VPS35L: variants seen among roughly 807,000 people sequenced by gnomAD.
VPS35L encodes VPS35 endosomal protein sorting factor like.
Under a neutral mutation model 133.0 loss-of-function variants are expected in VPS35L, and 83 were observed. The observed-to-expected ratio is 0.62, with a 90% CI of 0.52 to 0.75. The LOEUF (loss-of-function observed/expected upper bound fraction) is 0.75. Ranked by LOEUF, VPS35L falls within the 30% of genes least tolerant of loss-of-function variation. The pLI is 0.00. For missense variants in VPS35L, 1,083 were observed against 1,206.8 expected (o/e 0.90, Z 1.52); for synonymous variants, 423 against 449.9 (o/e 0.94, Z 0.76).
chr16:19,697,626 A>T (rs1157654095), intron 29 of VPS35L, among the ~76,000 whole-genome samples: 1 of 152,086 alleles, frequency 6.6e-6, no homozygotes, highest in Non-Finnish European at 1.5e-5. Context: ...CGTTGGATGG[A>T]TAGACGGTTG....
At position 19,555,781 on chromosome 16, in the gene VPS35L, G is replaced by A. The variant is rs771661595; in HGVS notation, c.17+35G>A. On this transcript the variant is annotated intron_variant, in intron 1 of 30. Transcript: ENST00000417362. ...CAGCGGCGGGTGGGCTTTGGAGAGG[G>A]GCTGTCCTTACTTGTGATGGGGTCG... 5.2e-6 allele frequency: 8 copies of A among 1,551,194 alleles called. No individual in the cohort carries two copies. In the East Asian group the frequency reaches 1.6e-4, roughly 31 times the overall value.
At chr16:19,692,858 C>T (rs757507826) in intron 29 of VPS35L, among the ~76,000 whole-genome samples, 27 of 152,200 alleles carry the variant, frequency 1.8e-4, no homozygotes, top group African/African-American at 4.8e-4. Context: ...CTATTGCGCC[C>T]GGCCAATATA....
intron 1 of VPS35L, among the ~76,000 whole-genome samples, chr16:19,563,293 G>T (rs977548543): frequency 1.3e-5 from 2 of 148,396 alleles, no homozygotes; most frequent in African/African-American, 5.0e-5. Context: ...AACATAGGAA[G>T]ATGCCAACTC....
intron 29 of VPS35L, among the ~76,000 whole-genome samples, chr16:19,692,425 C>T (rs1597444054): frequency 6.6e-6 from 1 of 152,122 alleles, no homozygotes. Flanking sequence ...AACTGAGGCT[C>T]AGAGAGGGTT....
intron 26 of VPS35L, among the ~76,000 whole-genome samples, chr16:19,653,775 G>A (rs1297337115): frequency 6.6e-6 from 1 of 152,206 alleles, no homozygotes; most frequent in Non-Finnish European, 1.5e-5. Flanking sequence ...TCCATTCTTT[G>A]AACCACTGCC....
At chr16:19,628,135 C>T (rs957207179) in intron 16 of VPS35L, among the ~76,000 whole-genome samples, 1 of 152,078 alleles carries the variant, frequency 6.6e-6, no homozygotes, top group African/African-American at 2.4e-5. Flanking sequence ...GAGGCCAGGG[C>T]AGGAGGATCA....
intron 6 of VPS35L, 135 bp downstream of exon 6, chr16:19,579,263 C>A: frequency 1.3e-6 from 1 of 782,874 alleles, no homozygotes; most frequent in Non-Finnish European, 2.0e-6. Flanking sequence ...GAGGCAATGA[C>A]TCCATCCAGG....
intron 1 of VPS35L, among the ~76,000 whole-genome samples, chr16:19,556,127 G>C (rs1025267668): frequency 6.6e-6 from 1 of 152,206 alleles, no homozygotes; most frequent in Non-Finnish European, 1.5e-5. Flanking sequence ...AGATCTGGCT[G>C]TTGGTCAGTT....
At chr16:19,673,177 G>A (rs903670076) in intron 27 of VPS35L, among the ~76,000 whole-genome samples, 2 of 152,348 alleles carry the variant, frequency 1.3e-5, no homozygotes, top group Admixed American at 1.3e-4. Context: ...CTGTCCCTGG[G>A]ATTACAGATT....
rs535660953 is a variant in VPS35L, at chr16:19,616,324, A to G, written c.1101+133A>G. The G allele has an allele frequency of 3.7e-4, 272 of 742,342 alleles. No homozygotes were observed. In the African/African-American group the frequency reaches 4.2e-3, roughly 12 times the overall value. The allele number at this position is 742,342 out of a possible 1,614,324, so 46.0% of individuals were successfully genotyped here. A position where few individuals can be genotyped will look rare whatever the true frequency, so the allele number is the denominator to read the frequency against. ...TGTGCAAGCCCTGGAAAATTACACT[A>G]GCTTCTGTTGTAGACAATTAAAATG... On this transcript the variant is annotated intron_variant, in intron 13 of 30. Coordinates refer to ENST00000417362, the MANE Select transcript of VPS35L (RefSeq NM_020314.7).
chr16:19,580,135 G>A (rs932332716), intron 6 of VPS35L, among the ~76,000 whole-genome samples: 2 of 151,924 alleles, frequency 1.3e-5, no homozygotes, highest in Non-Finnish European at 2.9e-5. Flanking sequence ...AAGAGATGGA[G>A]GTTGAGATCG....
chr16:19,639,920 C>T lies in VPS35L; in HGVS notation c.1699-95C>T, dbSNP rs759249601. ...CGACTCAGAGAGATGAACCTCTGTT[C>T]TGCTTCTTTGAACTCCACAGAAAAA... On this transcript the variant is annotated intron_variant, in intron 20 of 30. Coordinates refer to ENST00000417362, the MANE Select transcript of VPS35L (RefSeq NM_020314.7). This position sits in a 1 kb window ranked among gnomAD's most constrained non-coding sequence, Gnocchi z 4.1. The T allele has an allele frequency of 2.8e-5, 29 of 1,049,956 alleles. No individual in the cohort carries two copies. Among genetic ancestry groups the T allele is most frequent in the Middle Eastern group, 2.2e-4 (1 of 4,516 alleles). 65.0% of individuals were successfully genotyped at this position (1,049,956 alleles called of 1,614,324 possible).
chr16:19,612,794 G>A (rs547257386), intron 12 of VPS35L, among the ~76,000 whole-genome samples: 1 of 152,120 alleles, frequency 6.6e-6, no homozygotes, highest in Non-Finnish European at 1.5e-5. Flanking sequence ...GTGAGTTAGG[G>A]TACACGATCA....
chr16:19,652,261 C>T (rs1451258382), intron 26 of VPS35L, 171 bp downstream of exon 26: 24 of 576,140 alleles, frequency 4.2e-5, no homozygotes, highest in Non-Finnish European at 7.2e-5. Flanking sequence ...CCTGTAACCT[C>T]GAACTCCTGG....
rs1973720408 is a variant in VPS35L at position 19,639,497 on chromosome 16, AGTT to A, written c.1699-514_1699-512del. ...AGCACCAATCCCTGGAATGCATATA[AGTT>A]GTTTTAATAGTAACAGCTTTTTATT... On this transcript the variant is annotated intron_variant, in intron 20 of 30. Transcript: ENST00000417362. The surrounding 1 kb of genome is among the most constrained non-coding windows in gnomAD (Gnocchi z 4.1). Among the ~76,000 whole-genome samples, 2 of 152,178 alleles carry A rather than the reference AGTT, an allele frequency of 1.3e-5. No individual in the cohort carries two copies.
intron 23 of VPS35L, 64 bp from the exon 24 acceptor site, chr16:19,647,720 C>A: frequency 8.1e-7 from 1 of 1,239,484 alleles, no homozygotes; most frequent in Non-Finnish European, 1.2e-6. Flanking sequence ...TCAGTCATAC[C>A]ATGTGCCTGC....
chr16:19,598,785 TA>T (rs35846910), intron 8 of VPS35L, among the ~76,000 whole-genome samples: 3,790 of 145,990 alleles, frequency 0.026, 154 homozygotes, highest in African/African-American at 0.088. Flanking sequence ...TTCTGTCTCT[TA>T]AAAAAAAAAA....
intron 14 of VPS35L, among the ~76,000 whole-genome samples, chr16:19,620,936 G>A (rs1205662741): frequency 6.6e-6 from 1 of 151,972 alleles, no homozygotes; most frequent in African/African-American, 2.4e-5. Flanking sequence ...GGGCGACAGA[G>A]CAAGACTCTG....
rs568923054 is a variant in VPS35L at position 19,665,512 on chromosome 16, CT to C, written c.2222-3647del. 2.6e-5 allele frequency among the ~76,000 whole-genome samples: 4 copies of C among 152,294 alleles called. No individual in the cohort carries two copies. In the South Asian group the frequency reaches 8.3e-4, roughly 32 times the overall value. On this transcript the variant is annotated intron_variant, in intron 26 of 30. Transcript: ENST00000417362. ...CCCATGTTGTTGCAAATGACAGAAT[CT>C]CCTTTTTTATGGCTGCATAGTACTC...
Sources: gnomAD v4.1 joint callset for allele counts (sites outside exome capture counted in the v4.1 genomes callset) on GRCh38, gnomAD v4.1.1 for gene constraint, Gnocchi (gnomAD v3.1) non-coding constraint, MANE v1.5 for transcripts, NCBI Gene and HGNC (gene_info 2026-07-23, HGNC 2026-07-21) for gene names.